NUBPL: variants seen among roughly 807,000 people sequenced by gnomAD.
NUBPL encodes the protein NUBP iron-sulfur cluster assembly factor, mitochondrial, also known as iron-sulfur cluster transfer protein NUBPL.
NUBPL carries 31 observed loss-of-function variants against 45.7 expected under a neutral mutation model. The ratio of observed to expected loss-of-function variants is 0.68; its 90% CI spans 0.51 to 0.92. The LOEUF (loss-of-function observed/expected upper bound fraction) is 0.92. Among genes scored for constraint, NUBPL ranks in the 40% least tolerant of loss-of-function variants. The probability of loss-of-function intolerance (pLI) is 0.00; values close to 1 mark genes in which losing one functional copy is unlikely to be tolerated. For missense variants in NUBPL, 401 were observed against 398.7 expected, an observed-to-expected ratio of 1.01 and a Z score of -0.05; for synonymous variants, 144 against 140.9, an observed-to-expected ratio of 1.02 and a Z score of -0.15.
intron 6 of NUBPL, among the ~76,000 whole-genome samples, chr14:31,777,753 G>A (rs950971172): frequency 1.1e-4 from 16 of 152,206 alleles, no homozygotes; most frequent in African/African-American, 3.9e-4. Context: ...ATTCACCTGA[G>A]TGGTAGTATT....
At position 31,813,438 on chromosome 14, in the gene NUBPL, TACACACACAC is replaced by T. The variant is rs34598831; in HGVS notation, c.608-13171_608-13162del. ...GGCGAACTTGTATTCTTTTTTGCTA[TACACACACAC>T]ACACACACACACACACACATACATA... On this transcript the variant is annotated intron_variant, in intron 7 of 10. Coordinates refer to ENST00000281081, the MANE Select transcript of NUBPL (RefSeq NM_025152.3). Among the ~76,000 whole-genome samples, 390 of 148,302 alleles carry T rather than the reference TACACACACAC, an allele frequency of 2.6e-3. 5 individuals are homozygous for T. The highest frequency in any genetic ancestry group is 3.4e-3 in the Non-Finnish European group (231 of 67,006).
chr14:31,721,919 C>T (rs771841206), intron 6 of NUBPL, among the ~76,000 whole-genome samples: 7 of 152,150 alleles, frequency 4.6e-5, no homozygotes, highest in Non-Finnish European at 1.0e-4. Context: ...GCCTCTAGCT[C>T]CATCCACGTT....
chr14:31,776,759 G>T (rs1251655677), intron 6 of NUBPL, among the ~76,000 whole-genome samples: 1 of 152,140 alleles, frequency 6.6e-6, no homozygotes, highest in South Asian at 2.1e-4. Context: ...CCTTTATTAT[G>T]TCCATTCCTC....
intron 3 of NUBPL, among the ~76,000 whole-genome samples, chr14:31,593,513 CAAAAAAAAAAAA>C (rs34026301): frequency 8.0e-5 from 6 of 75,194 alleles, no homozygotes; most frequent in Admixed American, 3.9e-4. Flanking sequence ...GCTTCCGTCT[CAAAAAAAAAAAA>C]AAAAAAAAAA....
intron 3 of NUBPL, among the ~76,000 whole-genome samples, chr14:31,582,158 C>A (rs1159381097): frequency 6.6e-6 from 1 of 151,916 alleles, no homozygotes; most frequent in Non-Finnish European, 1.5e-5. Flanking sequence ...TTTCAAAAGT[C>A]ACACATATAA....
intron 6 of NUBPL, among the ~76,000 whole-genome samples, chr14:31,768,462 T>G (rs1394884081): frequency 6.6e-6 from 1 of 152,222 alleles, no homozygotes; most frequent in Non-Finnish European, 1.5e-5. Context: ...AAGTGCAGCA[T>G]TGTTTGGAAC....
At position 31,784,578 on chromosome 14, in the gene NUBPL, T is replaced by C. The variant is rs573101296; in HGVS notation, c.514-3202T>C. 1.1e-4 allele frequency among the ~76,000 whole-genome samples: 16 copies of C among 152,326 alleles called. No individual in the cohort carries two copies. In the South Asian group the frequency reaches 3.3e-3, roughly 32 times the overall value. Reference sequence around the variant, plus strand: ...GTGACTCAGGCCTCATGATCACATTTCTTTAAGGGCTCAAAATAATGTAAA... The same window carrying C: ...GTGACTCAGGCCTCATGATCACATTCCTTTAAGGGCTCAAAATAATGTAAA... On this transcript the variant is annotated intron_variant, in intron 6 of 10. Coordinates refer to ENST00000281081, the MANE Select transcript of NUBPL (RefSeq NM_025152.3).
At chr14:31,620,315 C>G (rs2035025584) in intron 4 of NUBPL, among the ~76,000 whole-genome samples, 1 of 151,988 alleles carries the variant, frequency 6.6e-6, no homozygotes, top group African/African-American at 2.4e-5. Context: ...TAGTTTTGTT[C>G]CCTTGCTTGC....
chr14:31,858,342 A>G (rs1045862028), intron 10 of NUBPL, among the ~76,000 whole-genome samples: 6 of 152,228 alleles, frequency 3.9e-5, no homozygotes, highest in Non-Finnish European at 8.8e-5. Context: ...AACCATATCA[A>G]TTATCAATGT....
At chr14:31,696,510 C>T (rs1179855635) in intron 6 of NUBPL, among the ~76,000 whole-genome samples, 1 of 152,078 alleles carries the variant, frequency 6.6e-6, no homozygotes, top group Non-Finnish European at 1.5e-5. Flanking sequence ...TATTAACTTC[C>T]TCATCCCTGA....
At chr14:31,819,162 G>A (rs2039973923) in intron 7 of NUBPL, among the ~76,000 whole-genome samples, 1 of 152,108 alleles carries the variant, frequency 6.6e-6, no homozygotes, top group African/African-American at 2.4e-5. Context: ...AAAGACAGAG[G>A]AGAGCTAAAA....
chr14:31,594,108 TAG>T (rs1485151016), intron 3 of NUBPL, among the ~76,000 whole-genome samples: 8 of 152,058 alleles, frequency 5.3e-5, no homozygotes, highest in Admixed American at 2.0e-4. Context: ...TACTCAAAAA[TAG>T]AGTCTTTAAT....
Position 31,572,333 on chromosome 14 carries a change from G to A in NUBPL, c.291+7285G>A, listed in dbSNP as rs187414294. 4.6e-3 allele frequency among the ~76,000 whole-genome samples: 697 copies of A among 152,050 alleles called. 4 individuals carry two copies. Among genetic ancestry groups the A allele is most frequent in the Non-Finnish European group, 7.8e-3 (533 of 67,974 alleles). On this transcript the variant is annotated intron_variant, in intron 3 of 10. Transcript: ENST00000281081. ...TTTTTGTATTTTTAGTAGAGACAGGGTTTCACTGTGTTAGCCAGGATGGTC... is the reference window on the plus strand; with the variant it reads ...TTTTTGTATTTTTAGTAGAGACAGGATTTCACTGTGTTAGCCAGGATGGTC...
chr14:31,821,811 A>G (rs2040022511), intron 7 of NUBPL, among the ~76,000 whole-genome samples: 1 of 152,270 alleles, frequency 6.6e-6, no homozygotes, highest in African/African-American at 2.4e-5. Context: ...ATGAATGGTT[A>G]AAGAAAATGT....
intron 6 of NUBPL, among the ~76,000 whole-genome samples, chr14:31,760,144 T>TGTGTGTGTGTGTGTGTGTGTGAGAGAGA: frequency 2.9e-5 from 1 of 34,842 alleles, no homozygotes; most frequent in African/African-American, 1.1e-4. Context: ...TGTGTGTGTG[T>TGTGTGTGTGTGTGTGTGTGTGAGAGAGA]GAGAGAGAGA....
At chr14:31,646,924 T>C (rs2035870795) in intron 4 of NUBPL, among the ~76,000 whole-genome samples, 1 of 152,146 alleles carries the variant, frequency 6.6e-6, no homozygotes, top group South Asian at 2.1e-4. Flanking sequence ...CCTTTGTGTG[T>C]TTTCAAATAG....
rs114018153 is a variant in NUBPL at position 31,598,513 on chromosome 14, G to A, written c.292-776G>A. Among the ~76,000 whole-genome samples the A allele has an allele frequency of 6.4e-3, 976 of 151,442 alleles. 10 individuals are homozygous for A. The highest frequency in any genetic ancestry group is 0.022 in the African/African-American group (913 of 40,824). On this transcript the variant is annotated intron_variant, in intron 3 of 10. Transcript: ENST00000281081. ...CATCTATCAAAGGAGAAAGAAGAGA[G>A]GGGAAGAAGAAAAAAAAGAGACATA...
At chr14:31,623,712 C>T (rs61995633) in intron 4 of NUBPL, among the ~76,000 whole-genome samples, 3,020 of 152,198 alleles carry the variant, frequency 0.02, 37 homozygotes, top group Admixed American at 0.028. Context: ...TTCTTTATTA[C>T]CCAGTCTTAG....
At chr14:31,756,084 G>A (rs898491099) in intron 6 of NUBPL, among the ~76,000 whole-genome samples, 15 of 151,986 alleles carry the variant, frequency 9.9e-5, no homozygotes, top group African/African-American at 3.4e-4. Flanking sequence ...CCAGTACCAT[G>A]CTGTTTTGGT....
Sources: allele counts gnomAD v4.1 joint callset (sites outside exome capture counted in the v4.1 genomes callset), GRCh38; gene constraint gnomAD v4.1.1; transcripts MANE v1.5; gene names NCBI Gene and HGNC (gene_info 2026-07-23, HGNC 2026-07-21).